The following P4HB variants were observed in gnomAD, a reference collection of about 807,000 sequenced individuals.
The protein encoded by P4HB is prolyl 4-hydroxylase subunit beta, also known as protein disulfide-isomerase.
A neutral mutation model predicts 52.6 loss-of-function variants in P4HB; 20 were observed. The ratio of observed to expected loss-of-function variants is 0.38; its 90% confidence interval spans 0.27 to 0.55. The LOEUF is 0.55. Ranked by LOEUF, P4HB falls within the 20% of genes least tolerant of loss-of-function variation. P4HB has a pLI of 0.74. For missense variants in P4HB, 601 were observed against 669.2 expected (o/e 0.90, Z 1.12); for synonymous variants, 296 against 277.9 (o/e 1.07, Z -0.65).
Position 81,846,612 on chromosome 17 carries a change from G to A in P4HB, c.873C>T (p.Ile291=), listed in dbSNP as rs151018460. 9.5e-5 allele frequency: 154 copies of A among 1,613,712 alleles called. No individual in the cohort carries two copies. Among genetic ancestry groups the A allele is most frequent in the African/African-American group, 2.4e-4 (18 of 74,912 alleles). Residue 291 remains isoleucine, a synonymous_variant, in exon 7 of 11, where the codon ATC becomes ATT. Transcript: ENST00000331483. This position sits in a 1 kb window ranked among gnomAD's most constrained non-coding sequence, Gnocchi z 5.7. The part of the protein sequence containing the change: ...SFKGKILFIF[I]DSDHTDNQRI... ...GCTGGTTGTCGGTGTGGTCGCTGTCGATGAAGATGAACAGGATCTGGGGGA... is the reference window on the plus strand; with the variant it reads ...GCTGGTTGTCGGTGTGGTCGCTGTCAATGAAGATGAACAGGATCTGGGGGA...
At chr17:81,848,736 C>CAAAA (rs770133887) in intron 4 of P4HB, among the ~76,000 whole-genome samples, 2 of 24,480 alleles carry the variant, frequency 8.2e-5, no homozygotes, top group Admixed American at 5.0e-4. Flanking sequence ...AACTCTGTCT[C>CAAAA]AAAAAAAAAA....
In P4HB at chr17:81,855,116, G is replaced by A. The variant is rs1424288219; in HGVS notation, c.624+26C>T. The A allele has an allele frequency of 6.2e-7, 1 of 1,612,778 alleles. No individual in the cohort carries two copies. The highest frequency in any genetic ancestry group is 1.3e-5 in the African/African-American group (1 of 74,902). On this transcript the variant is annotated intron_variant, in intron 4 of 10. Coordinates refer to ENST00000331483, the MANE Select transcript of P4HB (RefSeq NM_000918.4). The surrounding 1 kb of genome is among the most constrained non-coding windows in gnomAD (Gnocchi z 4.3). ...TGCAGACCAACCCCAGAACTAACCTGGGCAGAGCTGCCTGGGGCCACTCAC... is the reference window on the plus strand; with the variant it reads ...TGCAGACCAACCCCAGAACTAACCTAGGCAGAGCTGCCTGGGGCCACTCAC...
rs2143317202 is a variant in P4HB, at chr17:81,846,053, A to C, written c.1057-62T>G. The C allele has an allele frequency of 6.6e-7, 1 of 1,507,906 alleles. No individual in the cohort carries two copies. The allele number at this position is 1,507,906 out of a possible 1,614,324, so 93.4% of individuals were successfully genotyped here. On this transcript the variant is annotated intron_variant, in intron 7 of 10. Coordinates refer to ENST00000331483, the MANE Select transcript of P4HB (RefSeq NM_000918.4). The surrounding 1 kb of genome is among the most constrained non-coding windows in gnomAD (Gnocchi z 5.7). Reference sequence around the variant, plus strand: ...GCCTGGGGGACCACAGAGCTCCCCAACCCTCACCCTGCCCGGGACTGAGGT... The same window carrying C: ...GCCTGGGGGACCACAGAGCTCCCCACCCCTCACCCTGCCCGGGACTGAGGT...
intron 1 of P4HB, 158 bp from the exon 2 acceptor site, chr17:81,859,545 C>T (rs971267963): frequency 3.1e-6 from 2 of 654,870 alleles, no homozygotes; most frequent in South Asian, 1.9e-5. Context: ...GAGCTGATAG[C>T]CTGGTGTTCT....
At chr17:81,848,813 G>C (rs368548307) in intron 4 of P4HB, among the ~76,000 whole-genome samples, 22 of 151,120 alleles carry the variant, frequency 1.5e-4, no homozygotes, top group African/African-American at 4.1e-4. Flanking sequence ...GGGAGGCTGA[G>C]GCAGGTGGAT....
chr17:81,851,967 G>A (rs1245908151), intron 4 of P4HB, among the ~76,000 whole-genome samples: 1 of 152,242 alleles, frequency 6.6e-6, no homozygotes, highest in Non-Finnish European at 1.5e-5. Flanking sequence ...AGGATTGCTT[G>A]AGCTCAGAAG....
At chr17:81,858,949 C>A in intron 2 of P4HB, 1 of 547,206 alleles carries the variant, frequency 1.8e-6, no homozygotes. Context: ...GCCAGCCGCC[C>A]CCAGGATGGC....
At chr17:81,859,864 T>C (rs1266958983) in intron 1 of P4HB, 1 of 181,954 alleles carries the variant, frequency 5.5e-6, no homozygotes, top group Non-Finnish European at 1.2e-5. Context: ...TTAGCAGCTG[T>C]GTCAGGCACA....
chr17:81,846,272 G>T lies in P4HB; in HGVS notation c.1056+157C>A, dbSNP rs1386061196. The T allele has an allele frequency of 1.2e-5, 9 of 747,498 alleles. No individual in the cohort carries two copies. The Admixed American group carries it at 2.2e-4, about 19-fold the overall frequency. 46.3% of individuals were successfully genotyped at this position (747,498 alleles called of 1,614,324 possible). On this transcript the variant is annotated intron_variant, in intron 7 of 10. Coordinates refer to ENST00000331483, the MANE Select transcript of P4HB (RefSeq NM_000918.4). The surrounding 1 kb of genome is among the most constrained non-coding windows in gnomAD (Gnocchi z 5.7). ...AGAGGGCTCCTACAGGTCCCCAAAG[G>T]TGTGACAAGAATGGTGGTCTTCACA...
At chr17:81,859,086 G>A (rs1425077980) in intron 2 of P4HB, 95 bp downstream of exon 2, 9 of 1,150,022 alleles carry the variant, frequency 7.8e-6, no homozygotes, top group Admixed American at 5.3e-5. Context: ...TCTGGAACCC[G>A]GCCTCCCCAC....
chr17:81,843,582 C>G lies in P4HB; in HGVS notation c.*430G>C. Reference sequence around the variant, plus strand: ...GGCTCCGTCCCTCCCACACGGGGGACAAGCTTCTCCGAGGAGGCCTGGCCA... The same window carrying G: ...GGCTCCGTCCCTCCCACACGGGGGAGAAGCTTCTCCGAGGAGGCCTGGCCA... On this transcript the variant is annotated 3_prime_UTR_variant, in exon 11 of 11. Coordinates refer to ENST00000331483, the MANE Select transcript of P4HB (RefSeq NM_000918.4). The G allele has an allele frequency of 2.3e-6, 1 of 441,436 alleles. No homozygotes were observed. The highest frequency in any genetic ancestry group is 2.0e-5 in the African/African-American group (1 of 49,666). The allele number at this position is 441,436 out of a possible 1,614,324, so 27.3% of individuals were successfully genotyped here. A position where few individuals can be genotyped will look rare whatever the true frequency, so the allele number is the denominator to read the frequency against.
Position 81,855,691 on chromosome 17 carries a change from G to C in P4HB, c.353-105C>G. The C allele has an allele frequency of 7.6e-7, 1 of 1,323,700 alleles. No homozygotes were observed. The highest frequency in any genetic ancestry group is 1.4e-5 in the South Asian group (1 of 71,398). 82.0% of individuals were successfully genotyped at this position (1,323,700 alleles called of 1,614,324 possible). ...TCTGCCAGCCAGGCTGAGGACACCT[G>C]AATCAACCTAAGTAAGATGTTCTCC... On this transcript the variant is annotated intron_variant, in intron 2 of 10. Transcript: ENST00000331483. The surrounding 1 kb of genome is among the most constrained non-coding windows in gnomAD (Gnocchi z 4.3).
intron 2 of P4HB, chr17:81,856,139 G>C (rs1034865798): frequency 1.3e-5 from 2 of 152,572 alleles, no homozygotes; most frequent in Non-Finnish European, 2.9e-5. Context: ...AAAGTGCTGG[G>C]ATTACAGGCA....
chr17:81,860,525 G>C lies in P4HB; in HGVS notation c.-54C>G. The stretch of plus-strand genomic sequence containing the variant: ...GGTTGGCGCCGCCGGGACAGCGGGG[G>C]CGACGAGAGCGCGCGCCGGTCCCGG... On this transcript the variant is annotated 5_prime_UTR_variant, in exon 1 of 11. Coordinates refer to ENST00000331483, the MANE Select transcript of P4HB (RefSeq NM_000918.4). The C allele has an allele frequency of 2.4e-6, 3 of 1,229,632 alleles. No homozygotes were observed. The East Asian group carries it at 9.7e-5, about 40-fold the overall frequency. The allele number at this position is 1,229,632 out of a possible 1,614,324, so 76.2% of individuals were successfully genotyped here.
intron 4 of P4HB, among the ~76,000 whole-genome samples, chr17:81,849,176 G>A (rs1420779871): frequency 1.3e-5 from 2 of 151,038 alleles, no homozygotes; most frequent in South Asian, 2.1e-4. Context: ...CAGTGAGATC[G>A]CACCACTGCA....
chr17:81,852,480 G>T (rs1319735698), intron 4 of P4HB, among the ~76,000 whole-genome samples: 2 of 152,252 alleles, frequency 1.3e-5, no homozygotes, highest in Non-Finnish European at 2.9e-5. Context: ...TCAGCTGCGG[G>T]GTGAGCTCTG....
At chr17:81,856,271 A>G (rs1052136344) in intron 2 of P4HB, among the ~76,000 whole-genome samples, 2 of 151,118 alleles carry the variant, frequency 1.3e-5, no homozygotes, top group South Asian at 2.1e-4. Flanking sequence ...GGCTCAAGCA[A>G]TCCTCCTACC....
chr17:81,846,964 C>T lies in P4HB; in HGVS notation c.838G>A (p.Glu280Lys), dbSNP rs201200527. The change falls in exon 6 of 11, where the codon GAG becomes AAG. Residue 280 changes from glutamate to lysine, a missense_variant. Coordinates refer to ENST00000331483, the MANE Select transcript of P4HB (RefSeq NM_000918.4). The surrounding 1 kb of genome is among the most constrained non-coding windows in gnomAD (Gnocchi z 5.7). Reference sequence around the variant, plus strand: ...CAGCTCACCTTGCCCTTGAAGCTCTCGGCTGCTGTTTTGAAGTTGCTCAGT... The same window carrying T: ...CAGCTCACCTTGCCCTTGAAGCTCTTGGCTGCTGTTTTGAAGTTGCTCAGT... ...GKLSNFKTAA[E>K]SFKGKILFIF... The T allele has an allele frequency of 3.0e-4, 491 of 1,613,896 alleles. No homozygotes were observed. The highest frequency in any genetic ancestry group is 3.7e-4 in the Non-Finnish European group (437 of 1,180,030).
intron 4 of P4HB, among the ~76,000 whole-genome samples, chr17:81,853,863 C>T (rs1348733884): frequency 6.6e-6 from 1 of 152,226 alleles, no homozygotes; most frequent in Admixed American, 6.5e-5. Context: ...CATCCAGGTT[C>T]AGCTGTCCCT....
Sources: gnomAD v4.1 joint callset for allele counts (sites outside exome capture counted in the v4.1 genomes callset) on GRCh38, gnomAD v4.1.1 for gene constraint, Gnocchi (gnomAD v3.1) non-coding constraint, MANE v1.5 for transcripts, NCBI Gene and HGNC (gene_info 2026-07-23, HGNC 2026-07-21) for gene names.